The following TAL1 variants were observed in gnomAD, a reference collection of about 807,000 sequenced individuals.
TAL1 encodes the protein T-cell acute lymphocytic leukemia protein 1.
Under a neutral mutation model 17.9 loss-of-function variants are expected in TAL1, and 8 were observed. The observed-to-expected ratio is 0.45, with a 90% CI of 0.26 to 0.81. The LOEUF (loss-of-function observed/expected upper bound fraction) is 0.81, where lower values mean the gene tolerates loss of function less well. Among genes scored for constraint, TAL1 ranks in the 30% least tolerant of loss-of-function variants. The pLI, the probability that TAL1 is intolerant of heterozygous loss-of-function variation, is 0.17. For missense variants in TAL1, 466 were observed against 486.9 expected (o/e 0.96, Z 0.40); for synonymous variants, 223 against 218.6 (o/e 1.02, Z -0.18).
At chr1:47,217,977 G>A (rs1003041432) in exon 4 of TAL1, 195 of 387,548 alleles carry the variant, frequency 5.0e-4, no homozygotes, top group Non-Finnish European at 3.1e-4. Flanking sequence ...CCCCAAGCTC[G>A]AGAATTGGAC....
chr1:47,216,481 C>A (rs1160599822), exon 4 of TAL1: 1 of 230,298 alleles, frequency 4.3e-6, no homozygotes, highest in Admixed American at 5.7e-5. Context: ...CAACGCAATT[C>A]ATCACATACA....
exon 4 of TAL1, chr1:47,217,840 CA>C: frequency 2.5e-6 from 1 of 398,152 alleles, no homozygotes; most frequent in African/African-American, 2.1e-5. Flanking sequence ...TATCTTTAGA[CA>C]GATGGGGCTC....
intron 3 of TAL1, 42 bp from the exon 5 acceptor site, chr1:47,220,216 A>T (rs766940059): frequency 6.8e-7 from 1 of 1,474,488 alleles, no homozygotes; most frequent in South Asian, 1.5e-5. Flanking sequence ...TGGGCTTGAG[A>T]TTCCTTCCCC....
chr1:47,230,309 T>G (rs576929471), upstream of TAL1: 2 of 152,354 alleles, frequency 1.3e-5, no homozygotes, highest in African/African-American at 2.4e-5. Flanking sequence ...TTTGTTTAAT[T>G]TGTTTTGCCT....
chr1:47,218,308 T>TC (rs1402861489), exon 4 of TAL1: 3 of 232,892 alleles, frequency 1.3e-5, no homozygotes, highest in Non-Finnish European at 2.5e-5. Flanking sequence ...GAAAACCACA[T>TC]CCCACCATCT....
rs751799128 is a variant in TAL1 at position 47,219,846 on chromosome 1, G to C, written c.870C>G (p.Ser290Arg). Residue 290 changes from serine to arginine, a missense_variant, in exon 4 of 4, where the codon AGC (serine) becomes AGG (arginine). Physicochemically the swap from Ser to Arg is moderately radical, Grantham distance 110. Around this residue, in one of 5 missense-constraint regions of TAL1, gnomAD observed 134 missense variants for 122.0 expected, o/e 1.10. Transcript: ENST00000294339. Reference sequence around the variant, plus strand: ...CTGCCCCATCCAGGGAGCTGCCGCAGCTGGAGTTGGGGGAAAGCACGTCTT... The same window carrying C: ...CTGCCCCATCCAGGGAGCTGCCGCACCTGGAGTTGGGGGAAAGCACGTCTT... 5 of 1,599,598 alleles carry C rather than the reference G, an allele frequency of 3.1e-6. No homozygotes were observed. The African/African-American group carries it at 6.7e-5, about 21-fold the overall frequency.
exon 4 of TAL1, chr1:47,218,102 G>C (rs1402997291): frequency 3.9e-6 from 1 of 257,298 alleles, no homozygotes; most frequent in Admixed American, 5.4e-5. Context: ...CTATAAGGGG[G>C]GGCTTTCCAG....
exon 4 of TAL1, chr1:47,220,167 G>A (rs760117226): frequency 6.4e-7 from 1 of 1,560,800 alleles, no homozygotes; most frequent in South Asian, 1.2e-5. Context: ...CAACTTTGGT[G>A]TGGGGACCTG....
At chr1:47,218,121 A>G (rs1173838064) in exon 4 of TAL1, 2 of 249,322 alleles carry the variant, frequency 8.0e-6, no homozygotes, top group Non-Finnish European at 7.7e-6. Context: ...AGACAGCCAC[A>G]GTGATGAGTT....
In TAL1 at chr1:47,219,894, G is replaced by GGGCCCCCCCCCCCCCCCCC; in HGVS notation, c.821_822insGGGGGGGGGGGGGGGGGCC (p.Ala275GlyfsTer11). ...CTTGCAGGAGGTCATCTGGGGGCGC[G>GGGCCCCCCCCCCCCCCCCC]CCGCCCCCTCCCCCACCTCCACCCC... On this transcript the variant is annotated frameshift_variant, in exon 4 of 4. Transcript: ENST00000294339. LOFTEE classifies it high-confidence loss of function. 6.4e-7 allele frequency: 1 copy of GGGCCCCCCCCCCCCCCCCC among 1,556,038 alleles called. No homozygotes were observed. The highest frequency in any genetic ancestry group is 8.7e-7 in the Non-Finnish European group (1 of 1,149,582).
At chr1:47,218,650 C>A (rs948993675) in exon 4 of TAL1, 6 of 232,742 alleles carry the variant, frequency 2.6e-5, no homozygotes, top group Non-Finnish European at 5.1e-5. Context: ...TCCTATTGAG[C>A]GCTAAAGATT....
chr1:47,227,705 T>C (rs2250495), intron 1 of TAL1: 57,842 of 151,094 alleles, frequency 0.38, 12,636 homozygotes, highest in East Asian at 0.68. Context: ...TGGAAGTGAG[T>C]TTATGATTTT....
Position 47,220,944 on chromosome 1 carries a change from T to A in TAL1, c.542-770A>T, listed in dbSNP as rs370195014. Among the ~76,000 whole-genome samples the A allele has an allele frequency of 4.6e-5, 7 of 152,282 alleles. No homozygotes were observed. The South Asian group carries it at 1.0e-3, about 23-fold the overall frequency. On this transcript the variant is annotated intron_variant, in intron 3 of 3. Transcript: ENST00000294339. Reference sequence around the variant, plus strand: ...TTTAGCTCCAGTGGCTGGGAAGGCTTGTCTGAGGCTGTGAAGAAACAGCCA... The same window carrying A: ...TTTAGCTCCAGTGGCTGGGAAGGCTAGTCTGAGGCTGTGAAGAAACAGCCA...
exon 1 of TAL1, chr1:47,229,561 T>TA (rs1479264773): frequency 8.8e-5 from 15 of 170,268 alleles, no homozygotes; most frequent in East Asian, 3.4e-4. Flanking sequence ...CCACCCGCCT[T>TA]AAAAAACCCT....
At chr1:47,228,121 GAC>G (rs1026607902) in intron 1 of TAL1, 1 of 157,424 alleles carries the variant, frequency 6.4e-6, no homozygotes, top group Non-Finnish European at 1.4e-5. Context: ...GTCCTCTCCA[GAC>G]ACCTATAAAT....
chr1:47,226,616 C>T (rs1280214375), intron 1 of TAL1, among the ~76,000 whole-genome samples: 6 of 152,222 alleles, frequency 3.9e-5, no homozygotes, highest in African/African-American at 1.4e-4. Flanking sequence ...CCTCTGCCCG[C>T]CCAGCGGATC....
chr1:47,226,755 C>T (rs939090939), intron 1 of TAL1, among the ~76,000 whole-genome samples: 1 of 152,164 alleles, frequency 6.6e-6, no homozygotes, highest in African/African-American at 2.4e-5. Context: ...CAAAGAGAGG[C>T]CTGGCTGAGG....
At chr1:47,225,543 C>T (rs1019542557) in exon 2 of TAL1, 10 of 1,270,348 alleles carry the variant, frequency 7.9e-6, no homozygotes, top group Non-Finnish European at 9.9e-6. Flanking sequence ...ACCATGCGGC[C>T]GTCGCCGGGC....
chr1:47,225,719 C>T (rs943906514), exon 2 of TAL1: 2 of 1,480,404 alleles, frequency 1.4e-6, no homozygotes, highest in South Asian at 2.6e-5. Context: ...CGGGCCTCCG[C>T]GCGCGCCCAG....
Sources: allele counts gnomAD v4.1 joint callset (sites outside exome capture counted in the v4.1 genomes callset), GRCh38; gene constraint gnomAD v4.1.1; regional missense constraint gnomAD v4.1.1; transcripts MANE v1.5; gene names NCBI Gene and HGNC (gene_info 2026-07-23, HGNC 2026-07-21).